NOTCH4: variants seen among roughly 807,000 people sequenced by gnomAD.
NOTCH4 encodes neurogenic locus notch homolog protein 4.
NOTCH4 carries 138 observed loss-of-function variants against 189.0 expected under a neutral mutation model. The observed-to-expected ratio is 0.73, with a 90% CI of 0.64 to 0.84. NOTCH4 has a LOEUF of 0.84. Among genes scored for constraint, NOTCH4 ranks in the 40% least tolerant of loss-of-function variants. NOTCH4 has a pLI of 0.00. For synonymous variants in NOTCH4, 942 were observed against 1,032.8 expected (o/e 0.91, Z 1.69); for missense variants, 2,286 against 2,605.4 (o/e 0.88, Z 2.67).
At chr6:32,213,581 C>T (rs1789168740) in intron 14 of NOTCH4, 107 bp downstream of exon 14, 1 of 1,319,264 alleles carries the variant, frequency 7.6e-7, no homozygotes, top group Non-Finnish European at 1.0e-6. Flanking sequence ...TTATGTTTCC[C>T]AGGCTGGTCT....
At position 32,202,858 on chromosome 6, in the gene NOTCH4, A is replaced by G; in HGVS notation, c.3232-259T>C. On this transcript the variant is annotated intron_variant, in intron 20 of 29. Transcript: ENST00000375023. The surrounding 1 kb of genome is among the most constrained non-coding windows in gnomAD (Gnocchi z 5.7). ...ACAACCTGATGGACTGTGGCATTAC[A>G]GTGCAAGTCCTAGAAGACTAAACAG... 1 of 420,946 alleles carries G rather than the reference A, an allele frequency of 2.4e-6. No homozygotes were observed. The highest frequency in any genetic ancestry group is 4.2e-6 in the Non-Finnish European group (1 of 237,150). 26.1% of individuals were successfully genotyped at this position (420,946 alleles called of 1,614,324 possible).
At position 32,203,755 on chromosome 6, in the gene NOTCH4, T is replaced by C. The variant is rs1320580558; in HGVS notation, c.3231+15A>G. The C allele has an allele frequency of 1.3e-6, 2 of 1,544,146 alleles. No individual in the cohort carries two copies. Among genetic ancestry groups the C allele is most frequent in the African/African-American group, 1.4e-5 (1 of 73,080 alleles). ...CATAGGGGGCAACAGAGAAGGCAGA[T>C]TTGTGGTCACTTGCCTTGGGGCAGT... is the stretch of plus-strand genomic sequence containing the variant. On this transcript the variant is annotated intron_variant, in intron 20 of 29. Coordinates refer to ENST00000375023, the MANE Select transcript of NOTCH4 (RefSeq NM_004557.4).
In NOTCH4 at chr6:32,197,243, C is replaced by A. The variant is rs547103731; in HGVS notation, c.5052+56G>T. On this transcript the variant is annotated intron_variant, in intron 27 of 29. Transcript: ENST00000375023. ...GTCAAACTCTAGGGGATGCTTCTGT[C>A]CAGCTTTACTTGTAAGCTCGCCCCA... The A allele has an allele frequency of 6.6e-5, 100 of 1,515,746 alleles. 3 individuals carry two copies. In the Admixed American group the frequency reaches 2.0e-3, roughly 31 times the overall value. The allele number at this position is 1,515,746 out of a possible 1,614,324, so 93.9% of individuals were successfully genotyped here.
rs748941744 is a variant in NOTCH4, at chr6:32,197,414, C to T, written c.4937G>A (p.Arg1646Gln). 3 of 1,543,640 alleles carry T rather than the reference C, an allele frequency of 1.9e-6. No homozygotes were observed. The highest frequency in any genetic ancestry group is 2.6e-6 in the Non-Finnish European group (3 of 1,145,248). Reference sequence around the variant, plus strand: ...AAGGAGGCGGCGGGCAGCGGTTGGCCGGGAGAATCGGGCAGCCAGGTGCAG... The same window carrying T: ...AAGGAGGCGGCGGGCAGCGGTTGGCTGGGAGAATCGGGCAGCCAGGTGCAG... ...TPLHLAARFS[R>Q]PTAARRLLEA... Residue 1646 changes from arginine (R) to glutamine (Q), a missense_variant, in exon 27 of 30, where the codon CGG becomes CAG. Arg to Gln is a conservative substitution (Grantham distance 43). Transcript: ENST00000375023.
rs1157841409 is a variant in NOTCH4, at chr6:32,197,399, C to A, written c.4952G>T (p.Arg1651Leu). ...GTTGGCTCCAGCCTCAAGGAGGCGGCGGGCAGCGGTTGGCCGGGAGAATCG... is the reference window on the plus strand; with the variant it reads ...GTTGGCTCCAGCCTCAAGGAGGCGGAGGGCAGCGGTTGGCCGGGAGAATCG... ...AARFSRPTAA[R>L]RLLEAGANPN... Residue 1651 changes from arginine to leucine, a missense_variant, in exon 27 of 30, where the codon CGC becomes CTC. This residue lies in a region of NOTCH4 where 1,903 missense variants were observed against 2,261.9 expected (regional missense o/e 0.84). Transcript: ENST00000375023. 6.5e-7 allele frequency: 1 copy of A among 1,540,506 alleles called. No homozygotes were observed. The highest frequency in any genetic ancestry group is 1.3e-5 in the South Asian group (1 of 79,736).
In NOTCH4 at chr6:32,212,636, T is replaced by G. The variant is rs1363667043; in HGVS notation, c.2527-9A>C. The G allele has an allele frequency of 1.9e-6, 3 of 1,607,312 alleles. No individual in the cohort carries two copies. Among genetic ancestry groups the G allele is most frequent in the Admixed American group, 3.4e-5 (2 of 59,512 alleles). ...CATAAGTCCATCAGAGTCTGAGGGGTGGGAGGGAGCGTGAGGCAGGACATA... is the reference window on the plus strand; with the variant it reads ...CATAAGTCCATCAGAGTCTGAGGGGGGGGAGGGAGCGTGAGGCAGGACATA... On this transcript the variant is annotated splice_polypyrimidine_tract_variant and intron_variant, in intron 16 of 29. Coordinates refer to ENST00000375023, the MANE Select transcript of NOTCH4 (RefSeq NM_004557.4). This position sits in a 1 kb window ranked among gnomAD's most constrained non-coding sequence, Gnocchi z 4.4.
At chr6:32,209,601 G>A (rs58093512) in intron 18 of NOTCH4, among the ~76,000 whole-genome samples, 1 of 152,148 alleles carries the variant, frequency 6.6e-6, no homozygotes, top group African/African-American at 2.4e-5. Flanking sequence ...TATCACATGT[G>A]TCCAGGTGCG....
Position 32,202,214 on chromosome 6 carries a change from C to A in NOTCH4, c.3617G>T (p.Gly1206Val). 1 of 1,545,486 alleles carries A rather than the reference C, an allele frequency of 6.5e-7. No individual in the cohort carries two copies. The highest frequency in any genetic ancestry group is 8.7e-7 in the Non-Finnish European group (1 of 1,144,094). The change falls in exon 21 of 30, where the codon GGA becomes GTA. Residue 1206 changes from glycine to valine, a missense_variant. Transcript: ENST00000375023. This position sits in a 1 kb window ranked among gnomAD's most constrained non-coding sequence, Gnocchi z 5.7. Reference sequence around the variant, plus strand: ...GCAGCCCTTCCAGGGGTCTGGGACTCCCAGAGAGCAGTCCCCTCCATCCCA... The same window carrying A: ...GCAGCCCTTCCAGGGGTCTGGGACTACCAGAGAGCAGTCCCCTCCATCCCA... ...GNWDGGDCSL[G>V]VPDPWKGCPS...
At position 32,223,836 on chromosome 6, in the gene NOTCH4, T is replaced by C; in HGVS notation, c.73+20A>G. 1 of 1,601,426 alleles carries C rather than the reference T, an allele frequency of 6.2e-7. No homozygotes were observed. On this transcript the variant is annotated intron_variant, in intron 1 of 29. Coordinates refer to ENST00000375023, the MANE Select transcript of NOTCH4 (RefSeq NM_004557.4). The stretch of plus-strand genomic sequence containing the variant: ...CCTAAGGGAGCTGGGTCCCCTCACC[T>C]CACCCACGCCATGCCTCACCTCTGG...
In NOTCH4 at chr6:32,217,393, G is replaced by C; in HGVS notation, c.1625-127C>G. 1 of 640,762 alleles carries C rather than the reference G, an allele frequency of 1.6e-6. No individual in the cohort carries two copies. Among genetic ancestry groups the C allele is most frequent in the Non-Finnish European group, 2.8e-6 (1 of 358,534 alleles). The allele number at this position is 640,762 out of a possible 1,614,324, so 39.7% of individuals were successfully genotyped here. A position where few individuals can be genotyped will look rare whatever the true frequency, so the allele number is the denominator to read the frequency against. On this transcript the variant is annotated intron_variant, in intron 9 of 29. Coordinates refer to ENST00000375023, the MANE Select transcript of NOTCH4 (RefSeq NM_004557.4). The surrounding 1 kb of genome is among the most constrained non-coding windows in gnomAD (Gnocchi z 4.2). The stretch of plus-strand genomic sequence containing the variant: ...CAGAGAAGACACCTGGGGCAGGTGA[G>C]CGTGGGGTGACAGGAGATGATGCAG...
intron 11 of NOTCH4, 131 bp downstream of exon 11, chr6:32,216,814 A>C (rs1167354487): frequency 8.6e-7 from 1 of 1,159,762 alleles, no homozygotes; most frequent in Non-Finnish European, 1.3e-6. Context: ...TTTTACACTA[A>C]ATAACTTTAA....
Position 32,199,257 on chromosome 6 carries a change from G to T in NOTCH4, c.4316-112C>A. On this transcript the variant is annotated intron_variant, in intron 23 of 29. Coordinates refer to ENST00000375023, the MANE Select transcript of NOTCH4 (RefSeq NM_004557.4). The surrounding 1 kb of genome is among the most constrained non-coding windows in gnomAD (Gnocchi z 4.9). The stretch of plus-strand genomic sequence containing the variant: ...GGTCTTTGCCTCGGTTTCCTTATCT[G>T]CAAAATGGGGATGATAATATAGATT... The T allele has an allele frequency of 1.4e-6, 1 of 735,486 alleles. No homozygotes were observed. The highest frequency in any genetic ancestry group is 2.2e-6 in the Non-Finnish European group (1 of 459,814). 45.6% of individuals were successfully genotyped at this position (735,486 alleles called of 1,614,324 possible).
At chr6:32,214,466 G>GATATATATATATATATATATATATAT (rs1554151235) in intron 12 of NOTCH4, among the ~76,000 whole-genome samples, 28 of 116,678 alleles carry the variant, frequency 2.4e-4, no homozygotes, top group African/African-American at 3.5e-4. Flanking sequence ...TCTAGTTGGA[G>GATATATATATATATATATATATATAT]ATATATATAT....
rs547208694 is a variant in NOTCH4, at chr6:32,199,674, G to A, written c.4316-529C>T. Among the ~76,000 whole-genome samples, 62 of 151,296 alleles carry A rather than the reference G, an allele frequency of 4.1e-4. No homozygotes were observed. The highest frequency in any genetic ancestry group is 8.4e-4 in the South Asian group (4 of 4,764). On this transcript the variant is annotated intron_variant, in intron 23 of 29. Transcript: ENST00000375023. This position sits in a 1 kb window ranked among gnomAD's most constrained non-coding sequence, Gnocchi z 4.9. ...AGCCGAGATCGCGCCACTGCACTCC[G>A]GCCTGGGCGACAAGGCAAGACTCTG...
chr6:32,223,246 C>T (rs1390496218), intron 1 of NOTCH4, among the ~76,000 whole-genome samples, 160 bp from the exon 2 acceptor site: 1 of 152,146 alleles, frequency 6.6e-6, no homozygotes, highest in South Asian at 2.1e-4. Context: ...GTACCCAGCC[C>T]CAGCCCCAGT....
In NOTCH4 at chr6:32,222,534, C is replaced by A; in HGVS notation, c.428G>T (p.Cys143Phe). The A allele has an allele frequency of 6.5e-7, 1 of 1,550,280 alleles. No homozygotes were observed. The highest frequency in any genetic ancestry group is 8.7e-7 in the Non-Finnish European group (1 of 1,153,576). The change falls in exon 3 of 30, where the codon TGC becomes TTC. Residue 143 changes from cysteine (C) to phenylalanine (F), a missense_variant. Physicochemically the swap from Cys to Phe is radical, Grantham distance 205. Coordinates refer to ENST00000375023, the MANE Select transcript of NOTCH4 (RefSeq NM_004557.4). ...CHIQASGRPQ[C>F]SCMPGWTGEQ... ...ACCTGTCCATCCAGGCATGCAGGAG[C>A]ACTGTGGGCGGCCCGAGGCCTGGAT...
At position 32,202,776 on chromosome 6, in the gene NOTCH4, T is replaced by C; in HGVS notation, c.3232-177A>G. 1 of 578,160 alleles carries C rather than the reference T, an allele frequency of 1.7e-6. No individual in the cohort carries two copies. The highest frequency in any genetic ancestry group is 2.8e-5 in the East Asian group (1 of 35,930). 35.8% of individuals were successfully genotyped at this position (578,160 alleles called of 1,614,324 possible). ...ATGTTGAAACCATGTCCTGTGGTAA[T>C]TTCACACAATGACATATTACATTCT... On this transcript the variant is annotated intron_variant, in intron 20 of 29. Coordinates refer to ENST00000375023, the MANE Select transcript of NOTCH4 (RefSeq NM_004557.4). The surrounding 1 kb of genome is among the most constrained non-coding windows in gnomAD (Gnocchi z 5.7).
rs759674996 is a variant in NOTCH4 at position 32,223,086 on chromosome 6, C to T, written c.74G>A (p.Gly25Glu). 1.9e-6 allele frequency: 3 copies of T among 1,613,618 alleles called. No homozygotes were observed. Among genetic ancestry groups the T allele is most frequent in the African/African-American group, 1.3e-5 (1 of 74,998 alleles). Residue 25 changes from glycine (G) to glutamate (E), a missense_variant and splice_region_variant, in exon 2 of 30, where the codon GGG becomes GAG. Around this residue, in one of 2 missense-constraint regions of NOTCH4, gnomAD observed 1,903 missense variants for 2,261.9 expected, o/e 0.84. Coordinates refer to ENST00000375023, the MANE Select transcript of NOTCH4 (RefSeq NM_004557.4). ...LLCVSVVRPRGLLCGSFPEPC... is the reference protein window; with the variant it reads ...LLCVSVVRPRELLCGSFPEPC... ...TTCTGGGAAACTCCCACACAGCAGC[C>T]CTGAGGGTGGAGAGGCAGGCGCAAT...
At position 32,202,377 on chromosome 6, in the gene NOTCH4, A is replaced by C. The variant is rs747878659; in HGVS notation, c.3454T>G (p.Leu1152Val). 1.9e-6 allele frequency: 3 copies of C among 1,612,782 alleles called. No homozygotes were observed. Among genetic ancestry groups the C allele is most frequent in the Non-Finnish European group, 2.5e-6 (3 of 1,179,966 alleles). The change falls in exon 21 of 30, where the codon TTG becomes GTG. Residue 1152 changes from leucine to valine, a missense_variant. Leu to Val is a conservative substitution (Grantham distance 32, BLOSUM62 1). Coordinates refer to ENST00000375023, the MANE Select transcript of NOTCH4 (RefSeq NM_004557.4). The surrounding 1 kb of genome is among the most constrained non-coding windows in gnomAD (Gnocchi z 5.7). ...GAGCATCGAAAGCCTGGGCCCCCCAAGCCCGTGGTCTCTGAGCAGCTGCCA... is the reference window on the plus strand; with the variant it reads ...GAGCATCGAAAGCCTGGGCCCCCCACGCCCGTGGTCTCTGAGCAGCTGCCA... ...YNGSCSETTG[L>V]GGPGFRCSCP...
Sources: allele counts gnomAD v4.1 joint callset (sites outside exome capture counted in the v4.1 genomes callset), GRCh38; gene constraint gnomAD v4.1.1; regional missense constraint gnomAD v4.1.1; non-coding constraint Gnocchi (gnomAD v3.1); transcripts MANE v1.5; gene names NCBI Gene and HGNC (gene_info 2026-07-23, HGNC 2026-07-21).